Variants in JHY observed in about 807,000 individuals in gnomAD.
JHY encodes the protein junctional cadherin complex regulator.
In JHY, 69 loss-of-function variants were observed where a neutral mutation model predicts 78.0. That is an observed-to-expected ratio of 0.88 (90% CI 0.73 to 1.08). JHY has a LOEUF of 1.08. Ranked by LOEUF, JHY falls within the 50% of genes least tolerant of loss-of-function variation. JHY has a pLI of 0.00. For missense variants in JHY, 944 were observed against 927.8 expected (o/e 1.02, Z -0.23); for synonymous variants, 368 against 342.6 (o/e 1.07, Z -0.82).
At chr11:122,912,213 G>T (rs1863144451) in intron 3 of JHY, among the ~76,000 whole-genome samples, 2 of 151,678 alleles carry the variant, frequency 1.3e-5, no homozygotes, top group African/African-American at 4.9e-5. Context: ...CTTGAACCTG[G>T]GAGGCGGAGG....
In JHY at chr11:122,924,908, C is replaced by T. The variant is rs368392523; in HGVS notation, c.876C>T (p.Pro292=). The T allele has an allele frequency of 8.7e-6, 14 of 1,612,972 alleles. No homozygotes were observed. The highest frequency in any genetic ancestry group is 2.2e-5 in the South Asian group (2 of 91,032). The change falls in exon 4 of 9, where the codon CCC becomes CCT. Residue 292 remains proline, a synonymous_variant. Transcript: ENST00000227349. ...TTTTACCTACCTAGATCTCCTACCC[C>T]GTCAGAGTAACAGACAAGACGTCTA... ...GESHPEQISY[P]VRVTDKTSIQ...
intron 3 of JHY, among the ~76,000 whole-genome samples, chr11:122,916,562 A>G (rs2135327703): frequency 6.6e-6 from 1 of 152,316 alleles, no homozygotes; most frequent in Non-Finnish European, 1.5e-5. Context: ...GTACAAACTT[A>G]AAAAACCTTA....
In JHY at chr11:122,885,184, A is replaced by C. The variant is rs142751436; in HGVS notation, c.-89-577A>C. On this transcript the variant is annotated intron_variant, in intron 1 of 8. Coordinates refer to ENST00000227349, the MANE Select transcript of JHY (RefSeq NM_024806.4). ...ATGTCCACCTAAATTATATGTTCCT[A>C]TCTAGTCACAACCTGGCTATCAGAA... Among the ~76,000 whole-genome samples, 11 of 152,114 alleles carry C rather than the reference A, an allele frequency of 7.2e-5. No individual in the cohort carries two copies. In the East Asian group the frequency reaches 1.9e-3, roughly 27 times the overall value.
At chr11:122,906,762 G>A (rs529824636) in intron 3 of JHY, among the ~76,000 whole-genome samples, 7 of 152,058 alleles carry the variant, frequency 4.6e-5, no homozygotes, top group Non-Finnish European at 1.0e-4. Context: ...CAATTTTAGG[G>A]TGTATTGATT....
intron 3 of JHY, among the ~76,000 whole-genome samples, chr11:122,910,448 C>A (rs547102249): frequency 6.6e-6 from 1 of 150,742 alleles, no homozygotes; most frequent in Non-Finnish European, 1.5e-5. Flanking sequence ...CCAGCCTGGG[C>A]GACAGAGTGA....
At chr11:122,921,006 G>T (rs1331830523) in intron 3 of JHY, among the ~76,000 whole-genome samples, 1 of 150,894 alleles carries the variant, frequency 6.6e-6, no homozygotes, top group Admixed American at 6.6e-5. Context: ...TCATTTTCTC[G>T]ATTTGATTGG....
intron 5 of JHY, among the ~76,000 whole-genome samples, chr11:122,944,906 TGTAA>T (rs1458576566): frequency 6.6e-6 from 1 of 152,180 alleles, no homozygotes; most frequent in East Asian, 1.9e-4. Flanking sequence ...CTTATTGGTT[TGTAA>T]GTGTTTCCTC....
At chr11:122,951,329 C>T (rs1864079316) in intron 6 of JHY, among the ~76,000 whole-genome samples, 1 of 152,178 alleles carries the variant, frequency 6.6e-6, no homozygotes, top group East Asian at 1.9e-4. Flanking sequence ...CAACCCACCA[C>T]AAAATGACTG....
At chr11:122,893,629 G>T (rs564406333) in intron 2 of JHY, among the ~76,000 whole-genome samples, 20 of 152,114 alleles carry the variant, frequency 1.3e-4, no homozygotes, top group African/African-American at 4.6e-4. Context: ...ATGACTAAAG[G>T]GATGCTTTAA....
chr11:122,962,220 A>T lies in JHY; in HGVS notation c.*2775A>T, dbSNP rs1368713093. ...TATTAGATGGACATTACATTTTTAGATAGGCATATCCAGAAGTGGATAATT... is the reference window on the plus strand; with the variant it reads ...TATTAGATGGACATTACATTTTTAGTTAGGCATATCCAGAAGTGGATAATT... On this transcript the variant is annotated 3_prime_UTR_variant, in exon 9 of 9. Coordinates refer to ENST00000227349, the MANE Select transcript of JHY (RefSeq NM_024806.4). Among the ~76,000 whole-genome samples, 1 of 152,188 alleles carries T rather than the reference A, an allele frequency of 6.6e-6. No homozygotes were observed. The highest frequency in any genetic ancestry group is 1.5e-5 in the Non-Finnish European group (1 of 68,034).
Position 122,934,648 on chromosome 11 carries a change from A to G in JHY, c.1207A>G (p.Lys403Glu). ...NPPRQQQNQN[K>E]PLDTSTKPES... is the part of the protein sequence containing the mutation. ...TCCCAGGCAGCAACAAAACCAAAAT[A>G]AGCCTCTTGATACTTCAACAAAGCC... The change falls in exon 5 of 9, where the codon AAG becomes GAG. Residue 403 changes from lysine (K) to glutamate (E), a missense_variant. Physicochemically the swap from Lys to Glu is moderately conservative, Grantham distance 56. Transcript: ENST00000227349. The G allele has an allele frequency of 6.2e-7, 1 of 1,614,140 alleles. No individual in the cohort carries two copies. The highest frequency in any genetic ancestry group is 8.5e-7 in the Non-Finnish European group (1 of 1,180,010).
intron 3 of JHY, among the ~76,000 whole-genome samples, chr11:122,923,319 T>C (rs1475219089): frequency 1.3e-5 from 2 of 152,212 alleles, no homozygotes. Context: ...ATTTCTTTTC[T>C]CCTCCTCAAC....
intron 5 of JHY, among the ~76,000 whole-genome samples, chr11:122,939,366 T>TG (rs1345334220): frequency 9.8e-5 from 15 of 152,286 alleles, no homozygotes; most frequent in African/African-American, 3.4e-4. Context: ...CCACTCCCAC[T>TG]TACAGCTCAT....
In JHY at chr11:122,885,797, C is replaced by T; in HGVS notation, c.-53C>T. 7.3e-7 allele frequency: 1 copy of T among 1,375,370 alleles called. No individual in the cohort carries two copies. The highest frequency in any genetic ancestry group is 1.4e-5 in the South Asian group (1 of 73,670). 85.2% of individuals were successfully genotyped at this position (1,375,370 alleles called of 1,614,324 possible). A position where few individuals can be genotyped will look rare whatever the true frequency, so the allele number is the denominator to read the frequency against. ...GTGAACCACAACTTTAAATATCAGCCAGCTGCTCCTATCAACACGAGTATC... is the reference window on the plus strand; with the variant it reads ...GTGAACCACAACTTTAAATATCAGCTAGCTGCTCCTATCAACACGAGTATC... On this transcript the variant is annotated 5_prime_UTR_variant, in exon 2 of 9. Coordinates refer to ENST00000227349, the MANE Select transcript of JHY (RefSeq NM_024806.4).
chr11:122,940,761 A>G (rs1157216357), intron 5 of JHY, among the ~76,000 whole-genome samples: 1 of 152,134 alleles, frequency 6.6e-6, no homozygotes, highest in African/African-American at 2.4e-5. Flanking sequence ...TTGTAATTCT[A>G]TCAATACCTA....
chr11:122,949,509 G>C (rs1864040566), intron 6 of JHY, among the ~76,000 whole-genome samples: 1 of 152,192 alleles, frequency 6.6e-6, no homozygotes, highest in South Asian at 2.1e-4. Context: ...CAGGCAGCAA[G>C]AGATACTAAC....
chr11:122,959,762 A>G lies in JHY; in HGVS notation c.*317A>G. 1 of 209,342 alleles carries G rather than the reference A, an allele frequency of 4.8e-6. No homozygotes were observed. Among genetic ancestry groups the G allele is most frequent in the Non-Finnish European group, 9.4e-6 (1 of 106,276 alleles). The allele number at this position is 209,342 out of a possible 1,614,324, so 13.0% of individuals were successfully genotyped here. A position where few individuals can be genotyped will look rare whatever the true frequency, so the allele number is the denominator to read the frequency against. On this transcript the variant is annotated 3_prime_UTR_variant, in exon 9 of 9. Transcript: ENST00000227349. ...CATCTCTACCCCATTCCTTAGCATA[A>G]TGGAAACCTTAAAGTTACCCAGAAA... is the stretch of plus-strand genomic sequence containing the variant.
chr11:122,957,597 C>G, intron 8 of JHY, 106 bp downstream of exon 8: 1 of 1,142,888 alleles, frequency 8.7e-7, no homozygotes, highest in Non-Finnish European at 1.2e-6. Flanking sequence ...GTCTTGCCGT[C>G]TTGCCCAGGA....
At position 122,904,245 on chromosome 11, in the gene JHY, C is replaced by A. The variant is rs199719433; in HGVS notation, c.665C>A (p.Ser222Ter). 1.9e-6 allele frequency: 3 copies of A among 1,614,098 alleles called. No individual in the cohort carries two copies. In the East Asian group the frequency reaches 6.7e-5, roughly 36 times the overall value. ...AGCGACAGTGACCTGGAGGAGAAGT[C>A]GAGCAGCCTTTCTCCGTACGTGAAG... is the stretch of plus-strand genomic sequence containing the variant. ...ELSDSDLEEK[S>*]SSLSPYVKSS... The change falls in exon 3 of 9, where the codon TCG becomes TAG. Residue 222 changes from serine to a stop codon, truncating the protein, a stop_gained. Transcript: ENST00000227349. LOFTEE classifies it high-confidence loss of function.
Sources: allele counts gnomAD v4.1 joint callset (sites outside exome capture counted in the v4.1 genomes callset), GRCh38; gene constraint gnomAD v4.1.1; transcripts MANE v1.5; gene names NCBI Gene and HGNC (gene_info 2026-07-23, HGNC 2026-07-21).